GADL1: variants seen among roughly 807,000 people sequenced by gnomAD.
GADL1 encodes GAD like acidic amino acid decarboxylase 1, also known as acidic amino acid decarboxylase GADL1.
GADL1 carries 71 observed loss-of-function variants against 69.5 expected under a neutral mutation model. The ratio of observed to expected loss-of-function variants is 1.02; its 90% CI spans 0.84 to 1.25. The LOEUF is 1.25. Among genes scored for constraint, GADL1 ranks in the 50% most tolerant of loss-of-function variants. The pLI is 0.00. For missense variants in GADL1, 737 were observed against 631.8 expected (o/e 1.17, Z -1.79); for synonymous variants, 254 against 214.4 (o/e 1.18, Z -1.62).
At chr3:30,809,522 C>G (rs1303412428) in intron 11 of GADL1, among the ~76,000 whole-genome samples, 6 of 152,134 alleles carry the variant, frequency 3.9e-5, no homozygotes, top group African/African-American at 1.4e-4. Context: ...AGTTCTGAAT[C>G]ATTTTTTGAT....
At chr3:30,875,555 T>A (rs1025645955) in intron 1 of GADL1, among the ~76,000 whole-genome samples, 1 of 151,828 alleles carries the variant, frequency 6.6e-6, no homozygotes, top group African/African-American at 2.4e-5. Context: ...CATACAATAG[T>A]CATGCAGGCC....
chr3:30,857,864 G>C (rs1575237235), intron 2 of GADL1, among the ~76,000 whole-genome samples: 1 of 151,860 alleles, frequency 6.6e-6, no homozygotes, highest in South Asian at 2.1e-4. Flanking sequence ...TTAACTACAC[G>C]AGGGAGGTTC....
chr3:30,755,257 A>AT (rs1417902144), intron 14 of GADL1, among the ~76,000 whole-genome samples: 1 of 150,966 alleles, frequency 6.6e-6, no homozygotes, highest in Admixed American at 6.6e-5. Flanking sequence ...ATATTCAAAG[A>AT]TGTTTACATG....
chr3:30,779,085 A>G (rs1696601159), intron 13 of GADL1: 1 of 152,250 alleles, frequency 6.6e-6, no homozygotes, highest in Non-Finnish European at 1.5e-5. Flanking sequence ...ACTTGCTTAA[A>G]CATGGGACTG....
chr3:30,819,642 C>T lies in GADL1; in HGVS notation c.1050+14211G>A, dbSNP rs551123759. ...ATTCTTACAGAACAAAAACATAAAT[C>T]AGGAGAAAATGAATATTAATTACAT... On this transcript the variant is annotated intron_variant, in intron 11 of 14. Coordinates refer to ENST00000282538, the MANE Select transcript of GADL1 (RefSeq NM_207359.3). Among the ~76,000 whole-genome samples the T allele has an allele frequency of 5.3e-5, 8 of 151,834 alleles. No homozygotes were observed. The South Asian group carries it at 1.7e-3, about 32-fold the overall frequency.
intron 14 of GADL1, among the ~76,000 whole-genome samples, chr3:30,755,468 T>G (rs1695945919): frequency 6.6e-6 from 1 of 152,200 alleles, no homozygotes; most frequent in African/African-American, 2.4e-5. Flanking sequence ...CATCTAAAAA[T>G]ATTACAGTAA....
Position 30,768,407 on chromosome 3 carries a change from GGAAA to G in GADL1, c.1392+9768_1392+9771del, listed in dbSNP as rs562956381. On this transcript the variant is annotated intron_variant, in intron 14 of 14. Transcript: ENST00000282538. ...TCAGGAGTTTGGTCCAAAGGGATGA[GGAAA>G]GAGACAGTGAAGTAGCTTGAGGGGA... is the stretch of plus-strand genomic sequence containing the variant. Among the ~76,000 whole-genome samples, 606 of 152,184 alleles carry G rather than the reference GGAAA, an allele frequency of 4.0e-3. 3 individuals are homozygous for G. Among genetic ancestry groups the G allele is most frequent in the African/African-American group, 0.014 (583 of 41,532 alleles).
intron 14 of GADL1, among the ~76,000 whole-genome samples, chr3:30,760,872 A>G (rs1354164748): frequency 6.6e-6 from 1 of 152,154 alleles, no homozygotes; most frequent in Non-Finnish European, 1.5e-5. Flanking sequence ...TCAAGCAGTC[A>G]TTTGGTAGAA....
intron 12 of GADL1, among the ~76,000 whole-genome samples, chr3:30,796,721 G>C (rs1697040276): frequency 6.6e-6 from 1 of 152,128 alleles, no homozygotes; most frequent in South Asian, 2.1e-4. Context: ...TACTGTTGAA[G>C]CACCTAGACC....
chr3:30,834,129 G>GT (rs1697834780), intron 10 of GADL1, 88 bp downstream of exon 10: 1 of 1,160,456 alleles, frequency 8.6e-7, no homozygotes, highest in South Asian at 1.3e-5. Context: ...CAATTACTTT[G>GT]TTTTTTCCTA....
rs1696319470 is a variant in GADL1 at position 30,767,826 on chromosome 3, A to T, written c.1392+10353T>A. On this transcript the variant is annotated intron_variant, in intron 14 of 14. Coordinates refer to ENST00000282538, the MANE Select transcript of GADL1 (RefSeq NM_207359.3). The stretch of plus-strand genomic sequence containing the variant: ...GAAGGCCATATTTGCATTCCATGCT[A>T]CAAAGACAGCTTTAAAACCCAAACC... 2.0e-5 allele frequency among the ~76,000 whole-genome samples: 3 copies of T among 152,202 alleles called. No individual in the cohort carries two copies. In the South Asian group the frequency reaches 6.2e-4, roughly 31 times the overall value.
intron 1 of GADL1, among the ~76,000 whole-genome samples, chr3:30,882,182 T>C (rs1698652807): frequency 6.6e-6 from 1 of 151,950 alleles, no homozygotes; most frequent in Non-Finnish European, 1.5e-5. Flanking sequence ...TAATAAAATT[T>C]ACCATCTTAA....
At chr3:30,865,186 C>T (rs968326605) in intron 1 of GADL1, among the ~76,000 whole-genome samples, 1 of 151,852 alleles carries the variant, frequency 6.6e-6, no homozygotes, top group Non-Finnish European at 1.5e-5. Context: ...CCTTCCTTGA[C>T]TACCTCATAT....
chr3:30,888,691 A>C (rs1698742016), intron 1 of GADL1, among the ~76,000 whole-genome samples: 1 of 152,148 alleles, frequency 6.6e-6, no homozygotes, highest in African/African-American at 2.4e-5. Flanking sequence ...GCTGCATAAC[A>C]ACAAGGAGAC....
At chr3:30,887,033 G>C (rs1235610278) in intron 1 of GADL1, among the ~76,000 whole-genome samples, 1 of 152,176 alleles carries the variant, frequency 6.6e-6, no homozygotes, top group Non-Finnish European at 1.5e-5. Flanking sequence ...AGATAAGGAA[G>C]CTCGACCTCA....
chr3:30,833,928 G>T lies in GADL1; in HGVS notation c.975C>A (p.Asp325Glu). 6.2e-7 allele frequency: 1 copy of T among 1,611,396 alleles called. No homozygotes were observed. The highest frequency in any genetic ancestry group is 8.5e-7 in the Non-Finnish European group (1 of 1,177,974). Residue 325 changes from aspartate (D) to glutamate (E), a missense_variant, in exon 11 of 15, where the codon GAC becomes GAA. By Grantham distance (45) the Asp-to-Glu change is conservative (BLOSUM62 2). Transcript: ENST00000282538. ...TCTTGTGTGGGTTCCAGGCCACAGA[G>T]TCAGCCCTATTGTTTAAACAAAGGG... The part of the protein sequence containing the change: ...RKLLHGIHRA[D>E]SVAWNPHKML...
chr3:30,739,092 C>T (rs548646621), intron 14 of GADL1, among the ~76,000 whole-genome samples: 4 of 152,154 alleles, frequency 2.6e-5, no homozygotes, highest in Admixed American at 6.6e-5. Flanking sequence ...GTTGGCACAG[C>T]AATAATTTTA....
intron 8 of GADL1, 45 bp downstream of exon 8, chr3:30,844,165 G>GCA (rs753914266): frequency 9.5e-6 from 14 of 1,481,242 alleles, no homozygotes; most frequent in Middle Eastern, 1.8e-4. Context: ...GGGCGTGCGC[G>GCA]CACACACACA....
At chr3:30,754,145 G>A (rs1430453975) in intron 14 of GADL1, among the ~76,000 whole-genome samples, 1 of 152,136 alleles carries the variant, frequency 6.6e-6, no homozygotes, top group African/African-American at 2.4e-5. Context: ...ACCCTTTTAA[G>A]AAAAATAGAC....
Sources: gnomAD v4.1 joint callset for allele counts (sites outside exome capture counted in the v4.1 genomes callset) on GRCh38, gnomAD v4.1.1 for gene constraint, MANE v1.5 for transcripts, NCBI Gene and HGNC (gene_info 2026-07-23, HGNC 2026-07-21) for gene names.